Variants in DGKI observed in about 807,000 individuals in gnomAD.
The protein encoded by DGKI is DAG kinase iota.
A neutral mutation model predicts 147.5 loss-of-function variants in DGKI; 55 were observed. That is an observed-to-expected ratio of 0.37 (90% CI 0.30 to 0.47). The LOEUF is 0.47. Among genes scored for constraint, DGKI ranks in the 20% least tolerant of loss-of-function variants. The probability of loss-of-function intolerance (pLI) is 1.00; values close to 1 mark genes in which losing one functional copy is unlikely to be tolerated. For synonymous variants in DGKI, 469 were observed against 477.1 expected, an observed-to-expected ratio of 0.98 and a Z score of 0.22; for missense variants, 1,007 against 1,323.8, an observed-to-expected ratio of 0.76 and a Z score of 3.71.
intron 28 of DGKI, among the ~76,000 whole-genome samples, chr7:137,439,507 G>C (rs1478842458): frequency 6.6e-6 from 1 of 152,120 alleles, no homozygotes; most frequent in Non-Finnish European, 1.5e-5. Flanking sequence ...GATCTCATGA[G>C]ACTTATTCAC....
chr7:137,699,193 A>G (rs1585384532), intron 1 of DGKI, among the ~76,000 whole-genome samples: 1 of 152,162 alleles, frequency 6.6e-6, no homozygotes, highest in South Asian at 2.1e-4. Context: ...GGTCTCTTTT[A>G]AAGGGACACT....
At chr7:137,530,208 C>T (rs536825317) in intron 20 of DGKI, among the ~76,000 whole-genome samples, 2 of 152,296 alleles carry the variant, frequency 1.3e-5, no homozygotes, top group Admixed American at 6.5e-5. Context: ...CACCTGACTT[C>T]ACTTTTCAGT....
chr7:137,699,369 G>A (rs1472876751), intron 1 of DGKI, among the ~76,000 whole-genome samples: 1 of 152,026 alleles, frequency 6.6e-6, no homozygotes, highest in Non-Finnish European at 1.5e-5. Flanking sequence ...TAAGAACACA[G>A]TCTAATGCTC....
chr7:137,581,518 T>G (rs542751144), intron 15 of DGKI, among the ~76,000 whole-genome samples: 1 of 152,244 alleles, frequency 6.6e-6, no homozygotes, highest in East Asian at 1.9e-4. Flanking sequence ...CTCTATCACT[T>G]CTTAGTATTT....
At chr7:137,455,816 T>C (rs1235112720) in intron 27 of DGKI, among the ~76,000 whole-genome samples, 2 of 152,048 alleles carry the variant, frequency 1.3e-5, no homozygotes, top group Admixed American at 6.6e-5. Flanking sequence ...CCATTTCCAG[T>C]GATAATATGA....
At chr7:137,686,443 C>G (rs1429873520) in intron 2 of DGKI, among the ~76,000 whole-genome samples, 7 of 152,202 alleles carry the variant, frequency 4.6e-5, no homozygotes, top group Non-Finnish European at 1.0e-4. Context: ...GCACAGGCAG[C>G]CTCAGTAAAT....
At chr7:137,678,825 G>A (rs1585362050) in intron 2 of DGKI, among the ~76,000 whole-genome samples, 173 bp from the exon 3 acceptor site, 1 of 152,314 alleles carries the variant, frequency 6.6e-6, no homozygotes, top group African/African-American at 2.4e-5. Context: ...TCTAAAAAGG[G>A]AGAAAGGTGT....
At chr7:137,532,485 T>C (rs1817374372) in intron 20 of DGKI, among the ~76,000 whole-genome samples, 1 of 152,152 alleles carries the variant, frequency 6.6e-6, no homozygotes, top group Non-Finnish European at 1.5e-5. Flanking sequence ...AGTAGGTAAT[T>C]AATATTTTAC....
chr7:137,719,538 G>A (rs990260498), intron 1 of DGKI, among the ~76,000 whole-genome samples: 2 of 151,998 alleles, frequency 1.3e-5, no homozygotes, highest in South Asian at 2.1e-4. Context: ...AGTACTCGAC[G>A]GGATTCATCT....
chr7:137,560,225 A>G lies in DGKI; in HGVS notation c.1948-7657T>C, dbSNP rs546327097. 3.9e-5 allele frequency among the ~76,000 whole-genome samples: 6 copies of G among 152,344 alleles called. No homozygotes were observed. In the South Asian group the frequency reaches 6.2e-4, roughly 16 times the overall value. On this transcript the variant is annotated intron_variant, in intron 19 of 32. Coordinates refer to ENST00000614521, the MANE Select transcript of DGKI (RefSeq NM_001321708.2). ...GAGCAAATTGAAAGCTGCAGAAAAA[A>G]AGAGGCCAGTGAAGATAAAAACAGA...
At chr7:137,683,575 C>T (rs531151054) in intron 2 of DGKI, among the ~76,000 whole-genome samples, 16 of 152,234 alleles carry the variant, frequency 1.1e-4, no homozygotes, top group Admixed American at 7.2e-4. Context: ...CTCGCATTTC[C>T]CTTTTTGGTG....
intron 1 of DGKI, among the ~76,000 whole-genome samples, chr7:137,700,777 C>T (rs567730337): frequency 1.3e-5 from 2 of 152,186 alleles, no homozygotes; most frequent in Admixed American, 1.3e-4. Flanking sequence ...ACTTGGGAGG[C>T]TGAGGCAGGA....
chr7:137,445,192 T>C (rs1364935569), intron 27 of DGKI, among the ~76,000 whole-genome samples: 1 of 152,238 alleles, frequency 6.6e-6, no homozygotes. Flanking sequence ...ATGCTTGATA[T>C]GACTTTATCT....
At chr7:137,644,650 A>T (rs1409627452) in intron 6 of DGKI, among the ~76,000 whole-genome samples, 1 of 152,186 alleles carries the variant, frequency 6.6e-6, no homozygotes, top group Non-Finnish European at 1.5e-5. Flanking sequence ...CCCCCAAATT[A>T]TCTTGCTGTC....
At chr7:137,648,531 A>G (rs2129009516) in intron 5 of DGKI, among the ~76,000 whole-genome samples, 1 of 152,348 alleles carries the variant, frequency 6.6e-6, no homozygotes, top group African/African-American at 2.4e-5. Context: ...ATATACAACG[A>G]TTCTTCAGTC....
chr7:137,537,056 TGGAACTAGCAG>T (rs1817544575), intron 20 of DGKI, among the ~76,000 whole-genome samples: 1 of 152,192 alleles, frequency 6.6e-6, no homozygotes, highest in South Asian at 2.1e-4. Flanking sequence ...GTCTGTTTTA[TGGAACTAGCAG>T]GGAAGAGTGG....
intron 3 of DGKI, among the ~76,000 whole-genome samples, chr7:137,663,816 A>G (rs1822532475): frequency 6.6e-6 from 1 of 152,182 alleles, no homozygotes; most frequent in African/African-American, 2.4e-5. Context: ...GCTATATTCC[A>G]GCACTGAGAA....
At chr7:137,638,570 ATATATG>A (rs1440756508) in intron 6 of DGKI, among the ~76,000 whole-genome samples, 2 of 51,452 alleles carry the variant, frequency 3.9e-5, no homozygotes, top group Non-Finnish European at 4.4e-5. Context: ...ATATACACAC[ATATATG>A]TATATATACA....
chr7:137,447,815 A>G (rs1813772717), intron 27 of DGKI, among the ~76,000 whole-genome samples: 1 of 152,216 alleles, frequency 6.6e-6, no homozygotes, highest in South Asian at 2.1e-4. Context: ...AGTGAACCAT[A>G]AAATAACAAG....
Sources: gnomAD v4.1 joint callset for allele counts (sites outside exome capture counted in the v4.1 genomes callset) on GRCh38, gnomAD v4.1.1 for gene constraint, MANE v1.5 for transcripts, NCBI Gene and HGNC (gene_info 2026-07-23, HGNC 2026-07-21) for gene names.